Variants in DPP6 observed in about 807,000 individuals in gnomAD.
The protein encoded by DPP6 is A-type potassium channel modulatory protein DPP6.
Under a neutral mutation model 122.6 loss-of-function variants are expected in DPP6, and 69 were observed. The observed-to-expected ratio is 0.56, with a 90% CI of 0.46 to 0.69. The LOEUF is 0.69. DPP6 is among the 30% of genes least tolerant of loss of function. The pLI, the probability that DPP6 is intolerant of heterozygous loss-of-function variation, is 0.00. For missense variants in DPP6, 928 were observed against 1,116.9 expected (o/e 0.83, Z 2.41); for synonymous variants, 418 against 433.1 (o/e 0.97, Z 0.43).
intron 1 of DPP6, among the ~76,000 whole-genome samples, chr7:154,270,781 C>A (rs1585793683): frequency 6.6e-6 from 1 of 152,130 alleles, no homozygotes; most frequent in Non-Finnish European, 1.5e-5. Flanking sequence ...TGCCTGGTCT[C>A]TGGGTGTGCC....
At chr7:154,804,839 T>C (rs972370349) in intron 14 of DPP6, 78 bp from the exon 15 acceptor site, 3 of 1,548,914 alleles carry the variant, frequency 1.9e-6, no homozygotes, top group South Asian at 1.2e-5. Flanking sequence ...GGAGTGTCCA[T>C]AGAGGTAGTG....
the DPP6 span, among the ~76,000 whole-genome samples, chr7:153,873,263 C>T: frequency 6.6e-6 from 1 of 152,262 alleles, no homozygotes; most frequent in Non-Finnish European, 1.5e-5. Flanking sequence ...CATCTGCCCT[C>T]ATGACACAAA....
intron 16 of DPP6, among the ~76,000 whole-genome samples, chr7:154,848,586 G>A (rs913848966): frequency 1.1e-4 from 16 of 152,098 alleles, no homozygotes; most frequent in Non-Finnish European, 1.9e-4. Flanking sequence ...TATATGATTT[G>A]CCAGTATTTT....
intron 4 of DPP6, among the ~76,000 whole-genome samples, chr7:154,566,350 T>C (rs796337919): frequency 1.3e-4 from 20 of 152,272 alleles, no homozygotes; most frequent in African/African-American, 4.6e-4. Flanking sequence ...GGCCCAATCT[T>C]GGCTAACTGC....
chr7:154,156,131 T>C (rs1296108609), intron 1 of DPP6, among the ~76,000 whole-genome samples: 1 of 151,562 alleles, frequency 6.6e-6, no homozygotes, highest in Non-Finnish European at 1.5e-5. Context: ...CCAGATGCCC[T>C]GAGGAGCTCT....
In DPP6 at chr7:154,663,426, AGC is replaced by A. The variant is rs1298436998; in HGVS notation, c.681-5932_681-5931del. 6.2e-5 allele frequency among the ~76,000 whole-genome samples: 2 copies of A among 32,442 alleles called. 1 individual carries two copies. The highest frequency in any genetic ancestry group is 2.3e-4 in the Non-Finnish European group (2 of 8,680). The allele number at this position is 32,442 out of a possible 152,430, so 21.3% of individuals were successfully genotyped here. On this transcript the variant is annotated intron_variant, in intron 6 of 25. Transcript: ENST00000377770. ...TCATATAGTCATGATGAATCACCAT[AGC>A]GTATTGGCCATAGTGTTCATATAGT...
chr7:154,793,218 A>C (rs927785995), intron 10 of DPP6, among the ~76,000 whole-genome samples: 1 of 152,218 alleles, frequency 6.6e-6, no homozygotes, highest in Non-Finnish European at 1.5e-5. Context: ...TAGATAGAGA[A>C]GGGGTGAATG....
chr7:154,016,076 T>A (rs1798396061), intron 1 of DPP6, among the ~76,000 whole-genome samples: 1 of 152,180 alleles, frequency 6.6e-6, no homozygotes, highest in African/African-American at 2.4e-5. Flanking sequence ...CCTTTGCTCC[T>A]CTGCCCCGAA....
At chr7:153,769,508 A>C in the DPP6 span, among the ~76,000 whole-genome samples, 1 of 152,152 alleles carries the variant, frequency 6.6e-6, no homozygotes, top group Non-Finnish European at 1.5e-5. Context: ...TTGGAGGAAA[A>C]TGTAATCATC....
At chr7:153,965,205 C>T (rs1404758002) in intron 1 of DPP6, among the ~76,000 whole-genome samples, 3 of 152,010 alleles carry the variant, frequency 2.0e-5, no homozygotes, top group Non-Finnish European at 1.5e-5. Flanking sequence ...CTGAAATAAT[C>T]GAGAGCATAT....
intron 1 of DPP6, among the ~76,000 whole-genome samples, chr7:154,289,671 G>A (rs181885213): frequency 1.3e-5 from 2 of 152,350 alleles, no homozygotes; most frequent in East Asian, 3.9e-4. Flanking sequence ...GCGTGTGCCA[G>A]TAGCAGGCCT....
chr7:154,706,424 C>T (rs886649216), intron 7 of DPP6, among the ~76,000 whole-genome samples: 1 of 152,160 alleles, frequency 6.6e-6, no homozygotes, highest in African/African-American at 2.4e-5. Context: ...CCTGTTGGCA[C>T]TTTTTAAACT....
chr7:154,063,603 A>AG (rs1420756629), intron 1 of DPP6, among the ~76,000 whole-genome samples: 1 of 33,152 alleles, frequency 3.0e-5, no homozygotes, highest in Non-Finnish European at 4.9e-5. Context: ...CATCGCAGTG[A>AG]GGGAGGCACC....
At position 154,061,328 on chromosome 7, in the gene DPP6, T is replaced by C. The variant is rs3095189; in HGVS notation, c.243+8265T>C. Reference sequence around the variant, plus strand: ...CAGCCCCAGCCCTGGGGCTACCCGATCTGACAAAGCCTTTTCCATTGTATG... The same window carrying C: ...CAGCCCCAGCCCTGGGGCTACCCGACCTGACAAAGCCTTTTCCATTGTATG... On this transcript the variant is annotated intron_variant, in intron 1 of 25. Transcript: ENST00000377770. 2.3e-4 allele frequency among the ~76,000 whole-genome samples: 34 copies of C among 147,820 alleles called. 1 individual carries two copies. Among genetic ancestry groups the C allele is most frequent in the South Asian group, 6.6e-4 (3 of 4,564 alleles).
intron 15 of DPP6, among the ~76,000 whole-genome samples, chr7:154,806,741 G>T (rs1798718396): frequency 6.6e-6 from 1 of 152,190 alleles, no homozygotes; most frequent in Non-Finnish European, 1.5e-5. Flanking sequence ...ATAGGTGACT[G>T]CCTTCCAGCC....
intron 1 of DPP6, among the ~76,000 whole-genome samples, chr7:153,932,901 C>A (rs9770687): frequency 6.6e-6 from 1 of 152,004 alleles, no homozygotes; most frequent in Non-Finnish European, 1.5e-5. Context: ...CGGGACGTGG[C>A]GGGAGGTATT....
At chr7:154,452,135 A>G (rs1249369449) in intron 2 of DPP6, among the ~76,000 whole-genome samples, 1 of 152,250 alleles carries the variant, frequency 6.6e-6, no homozygotes, top group Non-Finnish European at 1.5e-5. Context: ...CCCGGCTAGG[A>G]GCTGAGAACT....
rs1014180170 is a variant in DPP6, at chr7:154,403,299, G to A, written c.244-42915G>A. Reference sequence around the variant, plus strand: ...AGGAGGTTGCTGTGTGATAGAGTGCGGGGGAATCAGGACACCGCCCACCGC... The same window carrying A: ...AGGAGGTTGCTGTGTGATAGAGTGCAGGGGAATCAGGACACCGCCCACCGC... On this transcript the variant is annotated intron_variant, in intron 1 of 25. Transcript: ENST00000377770. The surrounding 1 kb of genome is among the most constrained non-coding windows in gnomAD (Gnocchi z 4.1). 1.3e-5 allele frequency among the ~76,000 whole-genome samples: 2 copies of A among 152,270 alleles called. No homozygotes were observed. Among genetic ancestry groups the A allele is most frequent in the African/African-American group, 2.4e-5 (1 of 41,564 alleles).
chr7:154,850,514 G>C (rs1326858345), intron 16 of DPP6, among the ~76,000 whole-genome samples: 1 of 152,164 alleles, frequency 6.6e-6, no homozygotes, highest in Non-Finnish European at 1.5e-5. Context: ...TTTTTTGGAA[G>C]AGTTTGAGAA....
Sources: gnomAD v4.1 joint callset for allele counts (sites outside exome capture counted in the v4.1 genomes callset) on GRCh38, gnomAD v4.1.1 for gene constraint, Gnocchi (gnomAD v3.1) non-coding constraint, MANE v1.5 for transcripts, NCBI Gene and HGNC (gene_info 2026-07-23, HGNC 2026-07-21) for gene names.